The following TMEM132D variants were observed in gnomAD, a reference collection of about 807,000 sequenced individuals.
The protein encoded by TMEM132D is mature OL transmembrane protein.
TMEM132D carries 21 observed loss-of-function variants against 62.3 expected under a neutral mutation model. That is an observed-to-expected ratio of 0.34 (90% CI 0.24 to 0.49). The LOEUF (loss-of-function observed/expected upper bound fraction) is 0.49, where lower values mean the gene tolerates loss of function less well. Ranked by LOEUF, TMEM132D falls within the 20% of genes least tolerant of loss-of-function variation. The pLI, the probability that TMEM132D is intolerant of heterozygous loss-of-function variation, is 0.99. For synonymous variants in TMEM132D, 621 were observed against 575.6 expected, an observed-to-expected ratio of 1.08 and a Z score of -1.13; for missense variants, 1,346 against 1,402.8, an observed-to-expected ratio of 0.96 and a Z score of 0.65.
At chr12:129,866,336 C>G (rs1276448036) in intron 1 of TMEM132D, among the ~76,000 whole-genome samples, 1 of 151,346 alleles carries the variant, frequency 6.6e-6, no homozygotes, top group Non-Finnish European at 1.5e-5. Context: ...AGCAAACTAT[C>G]GCAAGGACAA....
At chr12:129,716,093 TAA>T (rs1868562167) in intron 1 of TMEM132D, among the ~76,000 whole-genome samples, 1 of 152,244 alleles carries the variant, frequency 6.6e-6, no homozygotes, top group Admixed American at 6.5e-5. Flanking sequence ...TGCATCGTCC[TAA>T]AGTCTCCTAA....
intron 5 of TMEM132D, among the ~76,000 whole-genome samples, chr12:129,131,385 T>C (rs1313607573): frequency 6.6e-6 from 1 of 152,140 alleles, no homozygotes; most frequent in African/African-American, 2.4e-5. Flanking sequence ...GGTGGGCGGA[T>C]TGCTTGAGGC....
At chr12:129,418,378 C>T (rs1016973936) in intron 3 of TMEM132D, among the ~76,000 whole-genome samples, 2 of 152,100 alleles carry the variant, frequency 1.3e-5, no homozygotes, top group Non-Finnish European at 2.9e-5. Flanking sequence ...TACTATGCAG[C>T]CATAAAAAAG....
rs1233357832 is a variant in TMEM132D, at chr12:129,724,528, TG to T, written c.80-23831del. Among the ~76,000 whole-genome samples, 3 of 152,302 alleles carry T rather than the reference TG, an allele frequency of 2.0e-5. No homozygotes were observed. The East Asian group carries it at 5.8e-4, about 29-fold the overall frequency. On this transcript the variant is annotated intron_variant, in intron 1 of 8. Coordinates refer to ENST00000422113, the MANE Select transcript of TMEM132D (RefSeq NM_133448.3). ...TTTTTTTGTTTTTTGTTTCTGTTTT[TG>T]TTTTTGTTTTGAGATGGAGTCTCGC...
chr12:129,179,859 C>T (rs555739678), intron 5 of TMEM132D, among the ~76,000 whole-genome samples: 1 of 151,974 alleles, frequency 6.6e-6, no homozygotes, highest in Non-Finnish European at 1.5e-5. Flanking sequence ...GAAACTCCGT[C>T]TCTACTAAAA....
chr12:129,182,608 G>A (rs1054596932), intron 5 of TMEM132D, among the ~76,000 whole-genome samples: 100 of 152,190 alleles, frequency 6.6e-4, no homozygotes, highest in African/African-American at 2.3e-3. Flanking sequence ...GGACTAACTG[G>A]ACAAGTCCCA....
rs982469593 is a variant in TMEM132D, at chr12:129,700,731, T to C, written c.80-33A>G. Reference sequence around the variant, plus strand: ...GAGGGAATCGCAGTGCAGGCGTTAGTAATGCTAAGGTCCTGTTACCAGCAT... The same window carrying C: ...GAGGGAATCGCAGTGCAGGCGTTAGCAATGCTAAGGTCCTGTTACCAGCAT... On this transcript the variant is annotated intron_variant, in intron 1 of 8. Transcript: ENST00000422113. 10 of 1,564,336 alleles carry C rather than the reference T, an allele frequency of 6.4e-6. No individual in the cohort carries two copies. The African/African-American group carries it at 1.4e-4, about 21-fold the overall frequency.
intron 2 of TMEM132D, 69 bp downstream of exon 2, chr12:129,699,741 T>C (rs2137224880): frequency 1.3e-6 from 2 of 1,566,134 alleles, no homozygotes; most frequent in South Asian, 1.2e-5. Context: ...GCTTTTCTGG[T>C]CAAACAGCTT....
chr12:129,332,588 T>C (rs1869144365), intron 4 of TMEM132D, among the ~76,000 whole-genome samples: 1 of 152,208 alleles, frequency 6.6e-6, no homozygotes, highest in Non-Finnish European at 1.5e-5. Context: ...ACTTACTTAG[T>C]TGTGCTGTGT....
intron 1 of TMEM132D, among the ~76,000 whole-genome samples, chr12:129,808,262 AG>A (rs1411055262): frequency 6.6e-6 from 1 of 152,224 alleles, no homozygotes; most frequent in African/African-American, 2.4e-5. Flanking sequence ...TGAGAAGAGC[AG>A]AAGTCAATAT....
At chr12:129,542,367 T>C (rs180869987) in intron 2 of TMEM132D, among the ~76,000 whole-genome samples, 18 of 152,364 alleles carry the variant, frequency 1.2e-4, no homozygotes, top group Non-Finnish European at 2.1e-4. Flanking sequence ...TGCTTAAATA[T>C]ACTTATTTAA....
At chr12:129,726,660 A>C (rs1869047728) in intron 1 of TMEM132D, among the ~76,000 whole-genome samples, 1 of 152,134 alleles carries the variant, frequency 6.6e-6, no homozygotes. Context: ...GCAGGACGGT[A>C]GACAGAGGGG....
intron 2 of TMEM132D, among the ~76,000 whole-genome samples, chr12:129,682,188 TA>T (rs1342729264): frequency 6.6e-6 from 1 of 152,234 alleles, no homozygotes; most frequent in African/African-American, 2.4e-5. Context: ...GAAATGGCCT[TA>T]AGTAATCTGT....
At position 129,683,381 on chromosome 12, in the gene TMEM132D, G is replaced by C. The variant is rs538510334; in HGVS notation, c.968+16429C>G. The stretch of plus-strand genomic sequence containing the variant: ...AGCACCTACATCATAGAATTGTTTT[G>C]AGGATTAAATGTGCTTAAAAAATTA... On this transcript the variant is annotated intron_variant, in intron 2 of 8. Transcript: ENST00000422113. 3.9e-4 allele frequency among the ~76,000 whole-genome samples: 60 copies of C among 152,276 alleles called. 1 individual carries two copies. The highest frequency in any genetic ancestry group is 3.5e-3 in the East Asian group (18 of 5,180).
At chr12:129,671,865 G>A (rs1880508067) in intron 2 of TMEM132D, among the ~76,000 whole-genome samples, 1 of 152,198 alleles carries the variant, frequency 6.6e-6, no homozygotes, top group South Asian at 2.1e-4. Flanking sequence ...GTGGTAGAAT[G>A]GCTTGGATTC....
At chr12:129,540,191 C>A (rs1484229329) in intron 2 of TMEM132D, among the ~76,000 whole-genome samples, 2 of 152,114 alleles carry the variant, frequency 1.3e-5, no homozygotes, top group Admixed American at 1.3e-4. Flanking sequence ...TCCTGACAGT[C>A]AATGCATGAG....
chr12:129,653,863 C>T (rs1311979304), intron 2 of TMEM132D, among the ~76,000 whole-genome samples: 2 of 152,166 alleles, frequency 1.3e-5, no homozygotes, highest in African/African-American at 4.8e-5. Flanking sequence ...AACTACAGTC[C>T]ATACATTATT....
intron 3 of TMEM132D, among the ~76,000 whole-genome samples, chr12:129,465,317 A>G (rs2137042704): frequency 6.6e-6 from 1 of 152,322 alleles, no homozygotes; most frequent in East Asian, 1.9e-4. Context: ...AGAGCTAGCT[A>G]TGACAAACCC....
chr12:129,138,684 G>A (rs1019752616), intron 5 of TMEM132D, among the ~76,000 whole-genome samples: 2 of 152,232 alleles, frequency 1.3e-5, no homozygotes, highest in African/African-American at 4.8e-5. Flanking sequence ...TCATGCCACT[G>A]CACTCCAGCC....
Sources: gnomAD v4.1 joint callset for allele counts (sites outside exome capture counted in the v4.1 genomes callset) on GRCh38, gnomAD v4.1.1 for gene constraint, MANE v1.5 for transcripts, NCBI Gene and HGNC (gene_info 2026-07-23, HGNC 2026-07-21) for gene names.